Variants in PTPN13 observed in about 807,000 individuals in gnomAD.
The protein encoded by PTPN13 is tyrosine-protein phosphatase non-receptor type 13.
PTPN13 carries 191 observed loss-of-function variants against 284.0 expected under a neutral mutation model. The observed-to-expected ratio is 0.67, with a 90% CI of 0.60 to 0.76. PTPN13 has a LOEUF of 0.76. Ranked by LOEUF, PTPN13 falls within the 30% of genes least tolerant of loss-of-function variation. The pLI is 0.00. For missense variants in PTPN13, 2,797 were observed against 2,939.9 expected (o/e 0.95, Z 1.12); for synonymous variants, 986 against 1,022.3 (o/e 0.96, Z 0.68).
chr4:86,678,271 A>G lies in PTPN13; in HGVS notation c.294+5728A>G, dbSNP rs970830059. On this transcript the variant is annotated intron_variant, in intron 3 of 47. Coordinates refer to ENST00000411767, the MANE Select transcript of PTPN13 (RefSeq NM_080683.3). ...TAGGAAATACCGAAAGAAAAGAGTT[A>G]TGGCTAAATAAATTTGTGCAATTGC... 5.3e-5 allele frequency among the ~76,000 whole-genome samples: 8 copies of G among 152,310 alleles called. No individual in the cohort carries two copies. In the South Asian group the frequency reaches 6.2e-4, roughly 12 times the overall value.
intron 26 of PTPN13, among the ~76,000 whole-genome samples, chr4:86,765,846 G>A (rs552392694): frequency 7.0e-6 from 1 of 142,380 alleles, no homozygotes; most frequent in African/African-American, 2.6e-5. Context: ...TTTTTTTTTC[G>A]AGACAGAGTC....
intron 2 of PTPN13, among the ~76,000 whole-genome samples, chr4:86,643,943 C>T (rs879011785): frequency 6.6e-6 from 1 of 151,770 alleles, no homozygotes; most frequent in Non-Finnish European, 1.5e-5. Flanking sequence ...AGGAGGTTTA[C>T]AAAAACAGTA....
intron 33 of PTPN13, among the ~76,000 whole-genome samples, chr4:86,774,782 G>A (rs1419537472): frequency 6.6e-6 from 1 of 151,322 alleles, no homozygotes; most frequent in Non-Finnish European, 1.5e-5. Context: ...TGTTACATAT[G>A]TATACATGAA....
At chr4:86,715,584 C>G (rs1281675925) in intron 7 of PTPN13, among the ~76,000 whole-genome samples, 3 of 151,994 alleles carry the variant, frequency 2.0e-5, no homozygotes, top group Admixed American at 6.6e-5. Flanking sequence ...AGAATGAGAC[C>G]CTGTCTCTAA....
chr4:86,675,027 G>C (rs904563492), intron 3 of PTPN13, among the ~76,000 whole-genome samples: 3 of 152,044 alleles, frequency 2.0e-5, no homozygotes, highest in Non-Finnish European at 2.9e-5. Context: ...TAGAAATTTG[G>C]GATGCACAAG....
At position 86,809,830 on chromosome 4, in the gene PTPN13, C is replaced by T. The variant is rs762659961; in HGVS notation, c.7145C>T (p.Pro2382Leu). The stretch of plus-strand genomic sequence containing the variant: ...ACTGCCTGGCCAGACCATGATACAC[C>T]TTCTCAACCAGATGATCTGCTTACT... ...NFTAWPDHDT[P>L]SQPDDLLTFI... Residue 2382 changes from proline (P) to leucine (L), a missense_variant, in exon 46 of 48, where the codon CCT becomes CTT. Physicochemically the swap from Pro to Leu is moderately conservative, Grantham distance 98. Coordinates refer to ENST00000411767, the MANE Select transcript of PTPN13 (RefSeq NM_080683.3). 4.3e-5 allele frequency: 70 copies of T among 1,613,898 alleles called. No homozygotes were observed. The highest frequency in any genetic ancestry group is 5.0e-5 in the Non-Finnish European group (59 of 1,179,908).
chr4:86,787,666 G>T (rs1228187121), intron 40 of PTPN13, among the ~76,000 whole-genome samples: 11 of 150,924 alleles, frequency 7.3e-5, no homozygotes, highest in African/African-American at 2.7e-4. Flanking sequence ...TAAAAATTTT[G>T]ATTTCTACCT....
chr4:86,677,217 A>G (rs1383741697), intron 3 of PTPN13, among the ~76,000 whole-genome samples: 1 of 151,774 alleles, frequency 6.6e-6, no homozygotes, highest in Non-Finnish European at 1.5e-5. Context: ...CAGTGAGCGG[A>G]GATCGCGCCA....
At chr4:86,640,027 T>C (rs1290465440) in intron 2 of PTPN13, among the ~76,000 whole-genome samples, 1 of 152,164 alleles carries the variant, frequency 6.6e-6, no homozygotes, top group Non-Finnish European at 1.5e-5. Flanking sequence ...GGATAACTAC[T>C]GATTGAGTAC....
intron 20 of PTPN13, among the ~76,000 whole-genome samples, chr4:86,755,433 T>C (rs1330466107): frequency 6.6e-6 from 1 of 151,984 alleles, no homozygotes; most frequent in African/African-American, 2.4e-5. Context: ...CCAAGAATTA[T>C]GTAAAATTGA....
At chr4:86,703,549 C>CT (rs1033202710) in intron 7 of PTPN13, among the ~76,000 whole-genome samples, 8 of 151,034 alleles carry the variant, frequency 5.3e-5, no homozygotes, top group African/African-American at 1.5e-4. Context: ...TGAATGGTAT[C>CT]TTTTTTTTAT....
chr4:86,693,769 T>C, intron 6 of PTPN13, 95 bp downstream of exon 6: 2 of 796,512 alleles, frequency 2.5e-6, no homozygotes, highest in Non-Finnish European at 3.8e-6. Flanking sequence ...ATCTGGTAAT[T>C]GAGACTATGA....
Position 86,655,737 on chromosome 4 carries a change from G to A in PTPN13, c.116-16628G>A, listed in dbSNP as rs1333867848. Among the ~76,000 whole-genome samples the A allele has an allele frequency of 3.9e-5, 6 of 152,110 alleles. No homozygotes were observed. The South Asian group carries it at 6.2e-4, about 16-fold the overall frequency. On this transcript the variant is annotated intron_variant, in intron 2 of 47. Transcript: ENST00000411767. The stretch of plus-strand genomic sequence containing the variant: ...TATGTGTCTTGGAGTTGTTCTTCTC[G>A]AGGAGTATCTTTGTGGCATTCTCTG...
Position 86,750,817 on chromosome 4 carries a change from G to A in PTPN13, c.2998G>A (p.Val1000Met), listed in dbSNP as rs1230472984. The change falls in exon 18 of 48, where the codon GTG becomes ATG. Residue 1000 changes from valine to methionine, a missense_variant. Transcript: ENST00000411767. ...EPPPQTVAEL[V>M]GKPSHQMSRS... Reference sequence around the variant, plus strand: ...CCCACCACAAACCGTTGCAGAGTTGGTGGGAAAACCTTCTCACCAGATGTC... The same window carrying A: ...CCCACCACAAACCGTTGCAGAGTTGATGGGAAAACCTTCTCACCAGATGTC... The A allele has an allele frequency of 1.9e-6, 3 of 1,613,624 alleles. No homozygotes were observed. Among genetic ancestry groups the A allele is most frequent in the Admixed American group, 1.7e-5 (1 of 59,974 alleles).
chr4:86,686,132 C>T (rs994443405), intron 3 of PTPN13, among the ~76,000 whole-genome samples: 2 of 151,958 alleles, frequency 1.3e-5, no homozygotes, highest in African/African-American at 2.4e-5. Flanking sequence ...GAGGCTAAGG[C>T]GGACAGATTA....
At chr4:86,764,841 A>C (rs999227223) in intron 25 of PTPN13, 117 bp downstream of exon 25, 1 of 1,158,604 alleles carries the variant, frequency 8.6e-7, no homozygotes, top group African/African-American at 1.6e-5. Context: ...AATACCTCCA[A>C]AATTCTAAAA....
intron 16 of PTPN13, among the ~76,000 whole-genome samples, chr4:86,743,867 G>A (rs906252639): frequency 6.6e-6 from 1 of 152,176 alleles, no homozygotes; most frequent in Non-Finnish European, 1.5e-5. Flanking sequence ...GGAACATGAA[G>A]TAGAATAATC....
chr4:86,762,723 T>A lies in PTPN13; in HGVS notation c.3554-4T>A. The A allele has an allele frequency of 6.3e-7, 1 of 1,583,186 alleles. No homozygotes were observed. Among genetic ancestry groups the A allele is most frequent in the South Asian group, 1.1e-5 (1 of 89,934 alleles). On this transcript the variant is annotated splice_region_variant and splice_polypyrimidine_tract_variant and intron_variant, in intron 23 of 47. Transcript: ENST00000411767. The stretch of plus-strand genomic sequence containing the variant: ...TACTCTCATTGATGGATTTTGACTT[T>A]TAGTGCCTTCTACTCCTGTGCATCT...
intron 31 of PTPN13, 98 bp downstream of exon 31, chr4:86,771,633 T>C (rs112160204): frequency 1.5e-6 from 2 of 1,292,638 alleles, no homozygotes; most frequent in African/African-American, 1.5e-5. Context: ...TGTATGTATC[T>C]GTGACCTTCA....
Sources: gnomAD v4.1 joint callset for allele counts (sites outside exome capture counted in the v4.1 genomes callset) on GRCh38, gnomAD v4.1.1 for gene constraint, MANE v1.5 for transcripts, NCBI Gene and HGNC (gene_info 2026-07-23, HGNC 2026-07-21) for gene names.